Variants in BCAS3 observed in about 807,000 individuals in gnomAD.
BCAS3 encodes BCAS4/BCAS3 fusion.
BCAS3 carries 53 observed loss-of-function variants against 116.1 expected under a neutral mutation model. The ratio of observed to expected loss-of-function variants is 0.46; its 90% CI spans 0.37 to 0.57. The LOEUF (loss-of-function observed/expected upper bound fraction) is 0.57. Ranked by LOEUF, BCAS3 falls within the 20% of genes least tolerant of loss-of-function variation. The pLI is 0.00. For synonymous variants in BCAS3, 391 were observed against 408.2 expected, an observed-to-expected ratio of 0.96 and a Z score of 0.51; for missense variants, 917 against 1,165.4, an observed-to-expected ratio of 0.79 and a Z score of 3.10.
intron 19 of BCAS3, among the ~76,000 whole-genome samples, chr17:61,069,667 G>A (rs1042322064): frequency 2.6e-5 from 4 of 151,658 alleles, no homozygotes; most frequent in East Asian, 1.9e-4. Context: ...GCAAAATCCC[G>A]TCTCTACTAA....
chr17:61,362,230 C>A lies in BCAS3; in HGVS notation c.2426-6097C>A, dbSNP rs148310343. 6.6e-6 allele frequency among the ~76,000 whole-genome samples: 1 copy of A among 152,250 alleles called. No individual in the cohort carries two copies. The highest frequency in any genetic ancestry group is 1.5e-5 in the Non-Finnish European group (1 of 68,040). ...AGCTTGCCAAGGAGGCTCCCCTCTA[C>A]ACTGGTTCCCCTCATCATGCCTGGG... is the stretch of plus-strand genomic sequence containing the variant. On this transcript the variant is annotated intron_variant, in intron 22 of 23. Transcript: ENST00000407086. The surrounding 1 kb of genome is among the most constrained non-coding windows in gnomAD (Gnocchi z 4.4).
intron 12 of BCAS3, among the ~76,000 whole-genome samples, chr17:60,916,174 A>G (rs895530825): frequency 6.6e-6 from 1 of 152,202 alleles, no homozygotes; most frequent in Non-Finnish European, 1.5e-5. Context: ...GCCCAAGAGT[A>G]TTGCTGAGTT....
chr17:60,781,117 G>A (rs1049809483), intron 6 of BCAS3, among the ~76,000 whole-genome samples: 2 of 151,566 alleles, frequency 1.3e-5, no homozygotes, highest in Non-Finnish European at 1.5e-5. Context: ...TTACAGGTGC[G>A]TGCCACCATG....
chr17:61,129,248 T>G lies in BCAS3; in HGVS notation c.2425+44684T>G, dbSNP rs140777175. Among the ~76,000 whole-genome samples, 10 of 152,350 alleles carry G rather than the reference T, an allele frequency of 6.6e-5. No homozygotes were observed. The East Asian group carries it at 9.6e-4, about 15-fold the overall frequency. ...AGCAGTGCTAAAAATTATGAATTTC[T>G]TTGAAGTAGAGGAACATAATTAATG... On this transcript the variant is annotated intron_variant, in intron 22 of 23. Coordinates refer to ENST00000407086, the MANE Select transcript of BCAS3 (RefSeq NM_017679.5).
chr17:61,117,122 T>C (rs1313401495), intron 22 of BCAS3, among the ~76,000 whole-genome samples: 1 of 152,216 alleles, frequency 6.6e-6, no homozygotes, highest in Non-Finnish European at 1.5e-5. Flanking sequence ...CTTAAAGGGA[T>C]AGAAATGCTA....
At chr17:60,858,150 T>C (rs2053840418) in intron 7 of BCAS3, among the ~76,000 whole-genome samples, 1 of 152,270 alleles carries the variant, frequency 6.6e-6, no homozygotes, top group African/African-American at 2.4e-5. Context: ...GTAGGGAACA[T>C]AAATAATTTT....
chr17:60,973,586 A>ATATATATATATATATATATATATAT lies in BCAS3; in HGVS notation c.1222-16385_1222-16384insTATATATATATATATATATATATAT, dbSNP rs752524305. 3.0e-4 allele frequency among the ~76,000 whole-genome samples: 41 copies of ATATATATATATATATATATATATAT among 137,932 alleles called. 1 individual carries two copies. The highest frequency in any genetic ancestry group is 1.0e-3 in the African/African-American group (35 of 34,928). The allele number at this position is 137,932 out of a possible 152,430, so 90.5% of individuals were successfully genotyped here. Reference sequence around the variant, plus strand: ...TAGACATTGCTATTACCTTATTATTAATATATATATATATATATATATGTA... The same window carrying ATATATATATATATATATATATATAT: ...TAGACATTGCTATTACCTTATTATTATATATATATATATATATATATATATATATATATATATATATATATATGTA... On this transcript the variant is annotated intron_variant, in intron 14 of 23. Transcript: ENST00000407086.
At chr17:60,711,066 T>C (rs183885543) in intron 5 of BCAS3, among the ~76,000 whole-genome samples, 24 of 152,138 alleles carry the variant, frequency 1.6e-4, no homozygotes, top group African/African-American at 5.5e-4. Flanking sequence ...CCTCCTAAAG[T>C]GTGGGCATTA....
intron 22 of BCAS3, among the ~76,000 whole-genome samples, chr17:61,287,727 AAAAACAAAAAAC>A (rs574088913): frequency 2.9e-3 from 434 of 151,866 alleles, no homozygotes; most frequent in African/African-American, 9.8e-3. Context: ...CCCTGTGTCA[AAAAACAAAAAAC>A]AAAACAAAAA....
rs943349380 is a variant in BCAS3 at position 61,063,128 on chromosome 17, C to T, written c.2030-11792C>T. ...CTCAAGCATCCTAAAAAACTGTTGC[C>T]GTGACCTTTGCTCTTGCCCACTTTT... On this transcript the variant is annotated intron_variant, in intron 19 of 23. Transcript: ENST00000407086. This position sits in a 1 kb window ranked among gnomAD's most constrained non-coding sequence, Gnocchi z 5.3. 2.6e-5 allele frequency among the ~76,000 whole-genome samples: 4 copies of T among 152,162 alleles called. No homozygotes were observed. Among genetic ancestry groups the T allele is most frequent in the Non-Finnish European group, 5.9e-5 (4 of 68,030 alleles).
chr17:61,022,586 A>G (rs1308987552), intron 16 of BCAS3, among the ~76,000 whole-genome samples: 1 of 151,880 alleles, frequency 6.6e-6, no homozygotes, highest in Non-Finnish European at 1.5e-5. Flanking sequence ...ATTTCTACAG[A>G]AGTTTGACAT....
intron 19 of BCAS3, among the ~76,000 whole-genome samples, chr17:61,042,358 A>G (rs944499906): frequency 2.0e-5 from 3 of 152,028 alleles, no homozygotes; most frequent in African/African-American, 7.2e-5. Flanking sequence ...AAATATTTAT[A>G]AAACACATAG....
chr17:61,077,429 A>G lies in BCAS3; in HGVS notation c.2131-904A>G, dbSNP rs1403819340. On this transcript the variant is annotated intron_variant, in intron 20 of 23. Coordinates refer to ENST00000407086, the MANE Select transcript of BCAS3 (RefSeq NM_017679.5). This position sits in a 1 kb window ranked among gnomAD's most constrained non-coding sequence, Gnocchi z 4.3. ...CTACTGGGGAGGCTGAGGCAGGAGA[A>G]TGTAGTGAACCCAGGAGGCGGAGCT... 7.9e-5 allele frequency among the ~76,000 whole-genome samples: 12 copies of G among 152,182 alleles called. No homozygotes were observed. The highest frequency in any genetic ancestry group is 7.2e-4 in the Admixed American group (11 of 15,282).
At chr17:60,784,585 G>A (rs1419406238) in intron 6 of BCAS3, among the ~76,000 whole-genome samples, 1 of 148,616 alleles carries the variant, frequency 6.7e-6, no homozygotes, top group Non-Finnish European at 1.5e-5. Context: ...TTACAGGCGT[G>A]AGCCACTGCG....
At chr17:61,267,975 C>T (rs2049898747) in intron 22 of BCAS3, among the ~76,000 whole-genome samples, 1 of 152,064 alleles carries the variant, frequency 6.6e-6, no homozygotes, top group African/African-American at 2.4e-5. Context: ...GGTCACATAT[C>T]TCTTGAATAT....
rs2065573304 is a variant in BCAS3 at position 61,017,871 on chromosome 17, G to A, written c.1637+1970G>A. On this transcript the variant is annotated intron_variant, in intron 16 of 23. Transcript: ENST00000407086. The surrounding 1 kb of genome is among the most constrained non-coding windows in gnomAD (Gnocchi z 4.7). The stretch of plus-strand genomic sequence containing the variant: ...ATGAATAGAAACTGTTAGTCATTTG[G>A]TGTCCTCCTGTGTTACTACACATTA... Among the ~76,000 whole-genome samples the A allele has an allele frequency of 2.0e-5, 3 of 151,922 alleles. No homozygotes were observed. The highest frequency in any genetic ancestry group is 7.3e-5 in the African/African-American group (3 of 41,348).
intron 19 of BCAS3, among the ~76,000 whole-genome samples, chr17:61,044,775 CCTTT>C (rs1264895274): frequency 6.6e-6 from 1 of 150,864 alleles, no homozygotes; most frequent in Admixed American, 6.6e-5. Context: ...ATGCTAAAGT[CCTTT>C]TTTTTTTTTT....
chr17:61,306,719 T>A (rs1450061041), intron 22 of BCAS3, among the ~76,000 whole-genome samples: 5 of 152,056 alleles, frequency 3.3e-5, no homozygotes, highest in African/African-American at 1.2e-4. Flanking sequence ...AAGGCTGCGG[T>A]GAGCTGTGTG....
At chr17:61,099,101 G>A (rs1441008165) in intron 22 of BCAS3, among the ~76,000 whole-genome samples, 1 of 152,102 alleles carries the variant, frequency 6.6e-6, no homozygotes, top group Non-Finnish European at 1.5e-5. Flanking sequence ...TCCAGCCTGG[G>A]TGACAGAGTG....
Sources: allele counts gnomAD v4.1 joint callset (sites outside exome capture counted in the v4.1 genomes callset), GRCh38; gene constraint gnomAD v4.1.1; non-coding constraint Gnocchi (gnomAD v3.1); transcripts MANE v1.5; gene names NCBI Gene and HGNC (gene_info 2026-07-23, HGNC 2026-07-21).